KAZN: variants seen among roughly 807,000 people sequenced by gnomAD.
KAZN encodes the protein kazrin, periplakin interacting protein, also known as kazrin.
Under a neutral mutation model 87.4 loss-of-function variants are expected in KAZN, and 40 were observed. The observed-to-expected ratio is 0.46, with a 90% confidence interval of 0.36 to 0.60. The LOEUF (loss-of-function observed/expected upper bound fraction) is 0.60, where lower values mean the gene tolerates loss of function less well. Among genes scored for constraint, KAZN ranks in the 20% least tolerant of loss-of-function variants. The pLI is 0.00. For missense variants in KAZN, 898 were observed against 1,073.9 expected, an observed-to-expected ratio of 0.84 and a Z score of 2.29; for synonymous variants, 466 against 458.3, an observed-to-expected ratio of 1.02 and a Z score of -0.22.
chr1:14,801,355 C>T (rs1235270787), intron 1 of KAZN, among the ~76,000 whole-genome samples: 1 of 152,136 alleles, frequency 6.6e-6, no homozygotes, highest in African/African-American at 2.4e-5. Flanking sequence ...CTGTCGGTTT[C>T]GTGACGAGGG....
intron 1 of KAZN, among the ~76,000 whole-genome samples, chr1:14,667,222 G>A (rs78545055): frequency 0.043 from 6,600 of 152,270 alleles, 484 homozygotes; most frequent in African/African-American, 0.15. Flanking sequence ...GACAGATGAG[G>A]AAAGTGAAGC....
intron 2 of KAZN, among the ~76,000 whole-genome samples, chr1:14,402,168 T>C (rs557850372): frequency 1.8e-3 from 281 of 151,970 alleles, no homozygotes; most frequent in African/African-American, 6.5e-3. Context: ...GTTCTAAAAA[T>C]TTTAAACACA....
At chr1:14,474,614 T>C (rs554764178) in intron 2 of KAZN, among the ~76,000 whole-genome samples, 1 of 152,280 alleles carries the variant, frequency 6.6e-6, no homozygotes, top group East Asian at 1.9e-4. Flanking sequence ...CTTAAAACTT[T>C]TATTGGAGTT....
intron 2 of KAZN, among the ~76,000 whole-genome samples, chr1:15,025,600 T>G (rs1246982037): frequency 2.0e-5 from 3 of 152,156 alleles, no homozygotes; most frequent in African/African-American, 7.2e-5. Flanking sequence ...TACTGGAAAA[T>G]AAGAAGCTAT....
At chr1:14,688,509 A>G (rs1641090262) in intron 1 of KAZN, among the ~76,000 whole-genome samples, 1 of 152,264 alleles carries the variant, frequency 6.6e-6, no homozygotes, top group Admixed American at 6.5e-5. Context: ...TCTGCCCTCA[A>G]GCATCTTGTG....
At chr1:14,335,198 CCTTT>C (rs1436699823) in intron 2 of KAZN, among the ~76,000 whole-genome samples, 3 of 148,646 alleles carry the variant, frequency 2.0e-5, no homozygotes, top group African/African-American at 7.4e-5. Context: ...GGCATGTCCT[CCTTT>C]CTTTTTTTTT....
intron 2 of KAZN, among the ~76,000 whole-genome samples, chr1:14,424,281 G>A (rs1370918178): frequency 2.0e-5 from 3 of 152,168 alleles, no homozygotes; most frequent in Non-Finnish European, 4.4e-5. Flanking sequence ...TACACTTCAC[G>A]TAAGTTGCTT....
At chr1:14,610,790 A>G (rs1479343542) in intron 1 of KAZN, among the ~76,000 whole-genome samples, 1 of 152,124 alleles carries the variant, frequency 6.6e-6, no homozygotes, top group Non-Finnish European at 1.5e-5. Flanking sequence ...TACCGGAGCC[A>G]GGATGTAGCA....
chr1:14,654,800 A>G (rs973698863), intron 1 of KAZN, among the ~76,000 whole-genome samples: 10 of 152,278 alleles, frequency 6.6e-5, no homozygotes, highest in Admixed American at 2.0e-4. Context: ...CACCTGTTGG[A>G]AAAGGGCTGG....
intron 1 of KAZN, among the ~76,000 whole-genome samples, chr1:14,834,311 C>A (rs1189694859): frequency 6.7e-6 from 1 of 148,964 alleles, no homozygotes; most frequent in Non-Finnish European, 1.5e-5. Flanking sequence ...TCTGGGATTA[C>A]AGGTGTGAGC....
At position 14,123,267 on chromosome 1, in the gene KAZN, T is replaced by A. The variant is rs543923082; in HGVS notation, c.92-57168T>A. The stretch of plus-strand genomic sequence containing the variant: ...AAACACACAGAGGCATGACTTTTTT[T>A]TTAAGCTGCATTCATGCTGTGTTGA... On this transcript the variant is annotated intron_variant, in intron 1 of 16. Coordinates refer to the KAZN transcript ENST00000636203. 1.1e-4 allele frequency among the ~76,000 whole-genome samples: 17 copies of A among 152,322 alleles called. No homozygotes were observed. In the South Asian group the frequency reaches 3.3e-3, roughly 30 times the overall value.
At chr1:14,740,310 A>C (rs1644052145) in intron 1 of KAZN, among the ~76,000 whole-genome samples, 1 of 152,210 alleles carries the variant, frequency 6.6e-6, no homozygotes, top group South Asian at 2.1e-4. Flanking sequence ...GGACGCCTCT[A>C]AACCGATGCA....
chr1:14,887,216 C>T (rs1425136803), intron 1 of KAZN, among the ~76,000 whole-genome samples: 2 of 152,266 alleles, frequency 1.3e-5, no homozygotes, highest in East Asian at 1.9e-4. Context: ...CCCCTGTGAA[C>T]CTCATGTTTC....
At chr1:14,906,719 A>T (rs1656620813) in intron 1 of KAZN, among the ~76,000 whole-genome samples, 1 of 149,924 alleles carries the variant, frequency 6.7e-6, no homozygotes, top group Admixed American at 6.8e-5. Flanking sequence ...ATGGTCCCAT[A>T]TTTTTCTAGA....
chr1:14,875,833 C>G (rs1487488580), intron 1 of KAZN, among the ~76,000 whole-genome samples: 1 of 152,212 alleles, frequency 6.6e-6, no homozygotes, highest in Admixed American at 6.5e-5. Flanking sequence ...AAGAGGTTTT[C>G]TGAGATCAAT....
chr1:14,168,062 G>A (rs1025518485), intron 1 of KAZN, among the ~76,000 whole-genome samples: 1 of 152,190 alleles, frequency 6.6e-6, no homozygotes, highest in Admixed American at 6.5e-5. Flanking sequence ...AGGTTGACAT[G>A]TCCTTGGCGC....
intron 1 of KAZN, among the ~76,000 whole-genome samples, chr1:14,831,394 C>A (rs914615151): frequency 1.3e-5 from 2 of 152,176 alleles, no homozygotes; most frequent in Admixed American, 6.5e-5. Flanking sequence ...GGACGCCTCC[C>A]TTCCTGTACT....
chr1:15,090,830 CG>C (rs1373413175), intron 8 of KAZN, among the ~76,000 whole-genome samples: 1 of 152,146 alleles, frequency 6.6e-6, no homozygotes, highest in South Asian at 2.1e-4. Context: ...AGAATGGTAC[CG>C]GGTTAGCTTT....
intron 2 of KAZN, among the ~76,000 whole-genome samples, chr1:14,357,307 T>C (rs976407921): frequency 3.3e-5 from 5 of 152,198 alleles, no homozygotes; most frequent in Admixed American, 1.3e-4. Flanking sequence ...GCTTATCAGC[T>C]TAAGGAGATT....
Sources: allele counts gnomAD v4.1 joint callset (sites outside exome capture counted in the v4.1 genomes callset), GRCh38; gene constraint gnomAD v4.1.1; transcripts MANE v1.5; gene names NCBI Gene and HGNC (gene_info 2026-07-23, HGNC 2026-07-21).